The following SPATA33 variants were observed in gnomAD, a reference collection of about 807,000 sequenced individuals.
SPATA33 encodes spermatogenesis associated 33.
A neutral mutation model predicts 8.9 loss-of-function variants in SPATA33; 10 were observed. The observed-to-expected ratio is 1.12, with a 90% CI of 0.69 to 1.90. The LOEUF (loss-of-function observed/expected upper bound fraction) is 1.90. SPATA33 is among the 40% of genes most tolerant of loss of function. The probability of loss-of-function intolerance (pLI) is 0.00; values close to 1 mark genes in which losing one functional copy is unlikely to be tolerated. For missense variants in SPATA33, 241 were observed against 178.3 expected, an observed-to-expected ratio of 1.35 and a Z score of -2.00; for synonymous variants, 96 against 72.8, an observed-to-expected ratio of 1.32 and a Z score of -1.63.
At chr16:89,668,646 G>A (rs2060058127) in intron 2 of SPATA33, among the ~76,000 whole-genome samples, 1 of 152,020 alleles carries the variant, frequency 6.6e-6, no homozygotes, top group Non-Finnish European at 1.5e-5. Flanking sequence ...GTCTGAGCTC[G>A]TAGCAGTGGC....
At position 89,665,395 on chromosome 16, in the gene SPATA33, C is replaced by A. The variant is rs149542938; in HGVS notation, c.212-3891C>A. On this transcript the variant is annotated intron_variant, in intron 2 of 2. Transcript: ENST00000579310. Reference sequence around the variant, plus strand: ...TCTCTGCTCACTGCAAGCTCCGCCTCCCGGGTTCATGCCATTCTCCTGTCT... The same window carrying A: ...TCTCTGCTCACTGCAAGCTCCGCCTACCGGGTTCATGCCATTCTCCTGTCT... Among the ~76,000 whole-genome samples, 1,096 of 152,214 alleles carry A rather than the reference C, an allele frequency of 7.2e-3. 13 individuals are homozygous for A. The highest frequency in any genetic ancestry group is 0.011 in the South Asian group (54 of 4,816).
At chr16:89,659,347 G>T (rs910008714) in intron 2 of SPATA33, 1 of 152,318 alleles carries the variant, frequency 6.6e-6, no homozygotes, top group Non-Finnish European at 1.5e-5. Context: ...GGGGGCCTGT[G>T]CCAGGAGGAG....
intron 2 of SPATA33, among the ~76,000 whole-genome samples, chr16:89,664,775 C>A (rs938282987): frequency 2.0e-5 from 3 of 152,142 alleles, no homozygotes; most frequent in African/African-American, 4.8e-5. Flanking sequence ...CTGCCTCCAA[C>A]CAGAATGGGC....
At chr16:89,660,869 G>T (rs1188173019) in intron 2 of SPATA33, 1 of 1,115,716 alleles carries the variant, frequency 9.0e-7, no homozygotes, top group Non-Finnish European at 1.1e-6. Flanking sequence ...AGACCTGTGA[G>T]CAAACAAGCC....
At chr16:89,659,443 G>A (rs992776945) in intron 2 of SPATA33, 2 of 152,398 alleles carry the variant, frequency 1.3e-5, no homozygotes, top group Admixed American at 6.5e-5. Flanking sequence ...GGAGGCCGAG[G>A]CGTGTGGATC....
chr16:89,659,457 T>G (rs2059934551), intron 2 of SPATA33: 1 of 152,294 alleles, frequency 6.6e-6, no homozygotes, highest in Admixed American at 6.5e-5. Flanking sequence ...GTGGATCACT[T>G]AAGGTCAGGA....
rs1165730855 is a variant in SPATA33, at chr16:89,658,314, A to G, written c.104A>G (p.His35Arg). The G allele has an allele frequency of 3.7e-6, 6 of 1,614,170 alleles. No individual in the cohort carries two copies. Among genetic ancestry groups the G allele is most frequent in the Middle Eastern group, 1.7e-4 (1 of 6,060 alleles). ...TCTAAGGAGAAGTTGATGGAGAAGC[A>G]TTCCCAGGAAGCCAGGCAGGCAGAC... ...PKSKEKLMEKHSQEARQADRE... is the reference protein window; with the variant it reads ...PKSKEKLMEKRSQEARQADRE... Residue 35 changes from histidine to arginine, a missense_variant, in exon 2 of 3, where the codon CAT (histidine) becomes CGT (arginine). His to Arg is a conservative substitution (Grantham distance 29). Transcript: ENST00000579310.
intron 2 of SPATA33, among the ~76,000 whole-genome samples, chr16:89,665,185 C>T (rs528638225): frequency 1.6e-4 from 25 of 152,232 alleles, no homozygotes; most frequent in Non-Finnish European, 2.8e-4. Context: ...TGTAGAGATG[C>T]GGTTTTGTCA....
chr16:89,664,734 G>A (rs773336058), intron 2 of SPATA33, among the ~76,000 whole-genome samples: 19 of 152,182 alleles, frequency 1.2e-4, no homozygotes, highest in Non-Finnish European at 2.4e-4. Flanking sequence ...CGAGAAAACG[G>A]GAACTTCATT....
intron 2 of SPATA33, among the ~76,000 whole-genome samples, chr16:89,667,273 G>C (rs1023572457): frequency 1.3e-5 from 2 of 152,142 alleles, no homozygotes; most frequent in East Asian, 3.9e-4. Flanking sequence ...TTGTCTTCTG[G>C]TCACTTCTCA....
chr16:89,660,720 G>T, intron 2 of SPATA33: 1 of 743,732 alleles, frequency 1.3e-6, no homozygotes, highest in East Asian at 3.4e-5. Context: ...AGTGGTTGCT[G>T]GGCAGAAATG....
intron 2 of SPATA33, chr16:89,660,752 C>T: frequency 2.4e-6 from 2 of 822,638 alleles, no homozygotes; most frequent in Non-Finnish European, 3.2e-6. Context: ...CAGCTGAGCA[C>T]AAGAGGACTT....
rs867283683 is a variant in SPATA33 at position 89,662,982 on chromosome 16, C to T, written c.211+4561C>T. On this transcript the variant is annotated intron_variant, in intron 2 of 2. Coordinates refer to ENST00000579310, the MANE Select transcript of SPATA33 (RefSeq NM_001271907.2). Reference sequence around the variant, plus strand: ...GTAATTTTTGTATTTTTAGTAGAGACGGGGTTTCACCATGTTGGTCAGGCT... The same window carrying T: ...GTAATTTTTGTATTTTTAGTAGAGATGGGGTTTCACCATGTTGGTCAGGCT... Among the ~76,000 whole-genome samples the T allele has an allele frequency of 2.2e-4, 33 of 149,246 alleles. 1 individual carries two copies. The highest frequency in any genetic ancestry group is 7.9e-3 in the Middle Eastern group (2 of 254).
At position 89,662,400 on chromosome 16, in the gene SPATA33, TTTC is replaced by T. The variant is rs1281506690; in HGVS notation, c.211+3982_211+3984del. 3.3e-5 allele frequency among the ~76,000 whole-genome samples: 5 copies of T among 152,102 alleles called. No homozygotes were observed. The South Asian group carries it at 1.0e-3, about 32-fold the overall frequency. ...TGCAGGTGCTCATTCACTATTCTAT[TTTC>T]TTGTGTGTTTGAACACTTTTTTTTT... On this transcript the variant is annotated intron_variant, in intron 2 of 2. Coordinates refer to ENST00000579310, the MANE Select transcript of SPATA33 (RefSeq NM_001271907.2).
intron 2 of SPATA33, among the ~76,000 whole-genome samples, chr16:89,662,679 G>A (rs1247750919): frequency 4.0e-5 from 6 of 150,986 alleles, no homozygotes; most frequent in Non-Finnish European, 5.9e-5. Context: ...CACCCGCCTC[G>A]GCCTCCCAAA....
At chr16:89,669,254 TCTA>T in intron 2 of SPATA33, 29 bp from the exon 3 acceptor site, 2 of 1,601,866 alleles carry the variant, frequency 1.2e-6, no homozygotes, top group South Asian at 2.2e-5. Flanking sequence ...TTTCCACACA[TCTA>T]CTAAATGCCT....
At chr16:89,663,327 C>A (rs1283599687) in intron 2 of SPATA33, among the ~76,000 whole-genome samples, 1 of 151,152 alleles carries the variant, frequency 6.6e-6, no homozygotes, top group Non-Finnish European at 1.5e-5. Flanking sequence ...GCAATTCTAC[C>A]TCGGCCTCCG....
At chr16:89,665,544 G>C (rs186411267) in intron 2 of SPATA33, among the ~76,000 whole-genome samples, 13 of 149,700 alleles carry the variant, frequency 8.7e-5, no homozygotes, top group Non-Finnish European at 1.6e-4. Flanking sequence ...TTAATTTCCT[G>C]ACCTCGTGAT....
Position 89,669,502 on chromosome 16 carries a change from G to A in SPATA33, c.*5G>A, listed in dbSNP as rs1352805316. 6.2e-7 allele frequency: 1 copy of A among 1,611,926 alleles called. No homozygotes were observed. Among genetic ancestry groups the A allele is most frequent in the African/African-American group, 1.3e-5 (1 of 74,830 alleles). The stretch of plus-strand genomic sequence containing the variant: ...AATTCACATCTCAAAGAATAAACAA[G>A]CACCTTTGCATGGCACTCGCTACTC... On this transcript the variant is annotated 3_prime_UTR_variant, in exon 3 of 3. Transcript: ENST00000579310.
Sources: gnomAD v4.1 joint callset for allele counts (sites outside exome capture counted in the v4.1 genomes callset) on GRCh38, gnomAD v4.1.1 for gene constraint, MANE v1.5 for transcripts, NCBI Gene and HGNC (gene_info 2026-07-23, HGNC 2026-07-21) for gene names.